Variants in MYO1H observed in about 807,000 individuals in gnomAD.
MYO1H encodes the protein myosin IH.
MYO1H carries 118 observed loss-of-function variants against 149.3 expected under a neutral mutation model. That is an observed-to-expected ratio of 0.79 (90% CI 0.68 to 0.92). MYO1H has a LOEUF of 0.92. MYO1H is among the 40% of genes least tolerant of loss of function. The pLI is 0.00. For synonymous variants in MYO1H, 447 were observed against 465.2 expected, an observed-to-expected ratio of 0.96 and a Z score of 0.50; for missense variants, 1,212 against 1,280.7, an observed-to-expected ratio of 0.95 and a Z score of 0.82.
At chr12:109,367,519 T>C (rs188922658) in intron 1 of MYO1H, among the ~76,000 whole-genome samples, 28 of 152,184 alleles carry the variant, frequency 1.8e-4, no homozygotes, top group African/African-American at 4.6e-4. Context: ...GGCAATCTTT[T>C]ATATTTATTT....
chr12:109,434,586 G>A (rs190361039), intron 20 of MYO1H, among the ~76,000 whole-genome samples: 32 of 152,306 alleles, frequency 2.1e-4, no homozygotes, highest in African/African-American at 5.8e-4. Context: ...TTCAGGTTAC[G>A]TTGGTTTATT....
At chr12:109,392,099 A>G (rs568904493) in intron 2 of MYO1H, among the ~76,000 whole-genome samples, 6 of 152,278 alleles carry the variant, frequency 3.9e-5, no homozygotes, top group African/African-American at 1.4e-4. Flanking sequence ...TTTTGTTACA[A>G]TTGCTTTTGG....
At chr12:109,423,658 G>A (rs1871259539) in intron 16 of MYO1H, among the ~76,000 whole-genome samples, 1 of 152,086 alleles carries the variant, frequency 6.6e-6, no homozygotes, top group South Asian at 2.1e-4. Flanking sequence ...AGTCCTCTAG[G>A]GACCTTATAT....
chr12:109,421,267 A>C (rs1192153803), intron 16 of MYO1H, among the ~76,000 whole-genome samples: 2 of 103,824 alleles, frequency 1.9e-5, no homozygotes, highest in Admixed American at 1.9e-4. Flanking sequence ...AGTGAACAAG[A>C]TGGAGCTCCG....
At chr12:109,358,172 T>C (rs1868651179) in intron 1 of MYO1H, among the ~76,000 whole-genome samples, 1 of 151,842 alleles carries the variant, frequency 6.6e-6, no homozygotes, top group Admixed American at 6.6e-5. Context: ...TAACGCATCA[T>C]GACAATTACC....
At chr12:109,349,544 C>T (rs1411715171) in intron 1 of MYO1H, among the ~76,000 whole-genome samples, 1 of 146,896 alleles carries the variant, frequency 6.8e-6, no homozygotes, top group Non-Finnish European at 1.5e-5. Flanking sequence ...GCCTGTGGTC[C>T]CAGCTACTCC....
At chr12:109,419,470 G>C (rs930766624) in intron 15 of MYO1H, among the ~76,000 whole-genome samples, 1 of 152,028 alleles carries the variant, frequency 6.6e-6, no homozygotes, top group Non-Finnish European at 1.5e-5. Flanking sequence ...GGCTTTCTGT[G>C]GGGGGAGTGA....
At chr12:109,372,121 G>GT (rs1030966916) in intron 1 of MYO1H, among the ~76,000 whole-genome samples, 19 of 152,092 alleles carry the variant, frequency 1.2e-4, no homozygotes, top group African/African-American at 3.6e-4. Flanking sequence ...TGCTTATAAT[G>GT]TTTTTTTCTA....
intron 1 of MYO1H, among the ~76,000 whole-genome samples, chr12:109,359,695 A>G (rs375473084): frequency 5.9e-5 from 9 of 152,222 alleles, no homozygotes; most frequent in African/African-American, 1.9e-4. Context: ...GTAGCGCATT[A>G]AAATGTTTTA....
upstream of MYO1H, among the ~76,000 whole-genome samples, chr12:109,344,261 A>G (rs80108232): frequency 0.071 from 10,806 of 152,272 alleles, 1,261 homozygotes; most frequent in African/African-American, 0.25. Context: ...TATGACACCA[A>G]GAAAACTGTT....
At chr12:109,340,300 C>G in the MYO1H span, among the ~76,000 whole-genome samples, 1 of 152,122 alleles carries the variant, frequency 6.6e-6, no homozygotes, top group African/African-American at 2.4e-5. Context: ...CCTGCCTCAG[C>G]CTCCCGAGTA....
chr12:109,419,325 G>A (rs55829213), intron 15 of MYO1H, among the ~76,000 whole-genome samples: 7,014 of 151,984 alleles, frequency 0.046, 237 homozygotes, highest in Non-Finnish European at 0.065. Context: ...GGGGCATCGT[G>A]GATAAGGAAA....
intron 1 of MYO1H, among the ~76,000 whole-genome samples, chr12:109,375,908 G>A (rs1869078098): frequency 6.6e-6 from 1 of 152,164 alleles, no homozygotes; most frequent in African/African-American, 2.4e-5. Flanking sequence ...GAGCCCAGAA[G>A]TTTGAGGCTA....
chr12:109,400,972 AAAG>A (rs1332236973), intron 5 of MYO1H, 118 bp from the exon 6 acceptor site: 31 of 896,104 alleles, frequency 3.5e-5, no homozygotes, highest in Non-Finnish European at 4.8e-5. Context: ...TGTCCAAAAA[AAAG>A]AAAGAAGATT....
chr12:109,441,577 TG>T, intron 25 of MYO1H, 37 bp from the exon 26 acceptor site: 1 of 1,447,726 alleles, frequency 6.9e-7, no homozygotes, highest in Non-Finnish European at 9.6e-7. Context: ...AAGAAGCCTG[TG>T]GCTACCATTT....
At chr12:109,379,891 C>A (rs1185638329) in intron 1 of MYO1H, among the ~76,000 whole-genome samples, 1 of 151,888 alleles carries the variant, frequency 6.6e-6, no homozygotes, top group Non-Finnish European at 1.5e-5. Context: ...CACCACCACA[C>A]CTAGCTAATT....
intron 30 of MYO1H, 139 bp from the exon 31 acceptor site, chr12:109,445,374 T>A: frequency 1.5e-6 from 1 of 661,024 alleles, no homozygotes; most frequent in Non-Finnish European, 2.5e-6. Context: ...TTTCCTCAAA[T>A]ATGCAATAAA....
intron 1 of MYO1H, among the ~76,000 whole-genome samples, chr12:109,361,813 C>CAAAAAAAA (rs35915417): frequency 8.8e-5 from 5 of 56,828 alleles, no homozygotes; most frequent in Non-Finnish European, 1.3e-4. Flanking sequence ...CCTTGTCTCA[C>CAAAAAAAA]AAAAAAAAAA....
At chr12:109,409,124 T>C (rs1288344305) in intron 10 of MYO1H, among the ~76,000 whole-genome samples, 1 of 152,100 alleles carries the variant, frequency 6.6e-6, no homozygotes, top group East Asian at 1.9e-4. Context: ...ATACCCACCC[T>C]GGCCTGAGGG....
Sources: gnomAD v4.1 joint callset for allele counts (sites outside exome capture counted in the v4.1 genomes callset) on GRCh38, gnomAD v4.1.1 for gene constraint, MANE v1.5 for transcripts, NCBI Gene and HGNC (gene_info 2026-07-23, HGNC 2026-07-21) for gene names.